Variants in RHOU observed in about 807,000 individuals in gnomAD.
The protein encoded by RHOU is rho-related GTP-binding protein RhoU.
Under a neutral mutation model 12.6 loss-of-function variants are expected in RHOU, and 8 were observed. The ratio of observed to expected loss-of-function variants is 0.64; its 90% CI spans 0.37 to 1.15. The LOEUF is 1.15. RHOU is among the 50% of genes most tolerant of loss of function. RHOU has a pLI of 0.01. For synonymous variants in RHOU, 161 were observed against 147.4 expected (o/e 1.09, Z -0.67); for missense variants, 258 against 347.0 (o/e 0.74, Z 2.04).
the RHOU span, among the ~76,000 whole-genome samples, chr1:228,706,612 C>A: frequency 6.6e-6 from 1 of 152,176 alleles, no homozygotes; most frequent in Non-Finnish European, 1.5e-5. Flanking sequence ...GCCAAACTTA[C>A]AAGGAGGCGG....
chr1:228,702,230 T>C, the RHOU span, among the ~76,000 whole-genome samples: 1 of 152,178 alleles, frequency 6.6e-6, no homozygotes, highest in African/African-American at 2.4e-5. Context: ...GAAAAGAATA[T>C]TAATACTATG....
Position 228,737,582 on chromosome 1 carries a change from G to A in RHOU, c.263-91G>A. 8.1e-7 allele frequency: 1 copy of A among 1,242,104 alleles called. No individual in the cohort carries two copies. Among genetic ancestry groups the A allele is most frequent in the South Asian group, 1.2e-5 (1 of 82,116 alleles). 76.9% of individuals were successfully genotyped at this position (1,242,104 alleles called of 1,614,324 possible). A position where few individuals can be genotyped will look rare whatever the true frequency, so the allele number is the denominator to read the frequency against. On this transcript the variant is annotated intron_variant, in intron 1 of 2. Transcript: ENST00000366691. This position sits in a 1 kb window ranked among gnomAD's most constrained non-coding sequence, Gnocchi z 4.1. ...CCTAAAATAGGAGCAAAGGGGTTTG[G>A]AGTGAGAATGATAGTGAAAGCTAAA...
chr1:228,731,258 G>A (rs1662490508), upstream of RHOU, among the ~76,000 whole-genome samples: 1 of 152,166 alleles, frequency 6.6e-6, no homozygotes, highest in Non-Finnish European at 1.5e-5. Flanking sequence ...CACATAAGGG[G>A]TCAGGGAACA....
the RHOU span, among the ~76,000 whole-genome samples, chr1:228,712,414 C>T: frequency 2.4e-4 from 36 of 151,738 alleles, no homozygotes; most frequent in African/African-American, 7.5e-4. Flanking sequence ...CCAACCCACA[C>T]GTCCAACAAT....
At chr1:228,646,911 G>C in the RHOU span, among the ~76,000 whole-genome samples, 1 of 152,084 alleles carries the variant, frequency 6.6e-6, no homozygotes. Flanking sequence ...GCGATCGAGA[G>C]AGACCGGAGA....
chr1:228,706,304 T>C, the RHOU span, among the ~76,000 whole-genome samples: 2 of 152,216 alleles, frequency 1.3e-5, no homozygotes, highest in East Asian at 1.9e-4. Context: ...AGAGTTTAAC[T>C]GAGCAAAGAA....
chr1:228,699,525 T>G, the RHOU span, among the ~76,000 whole-genome samples: 1 of 150,728 alleles, frequency 6.6e-6, no homozygotes, highest in African/African-American at 2.5e-5. Flanking sequence ...ATACATGAGT[T>G]TCTGTTATTA....
chr1:228,744,708 T>G lies in RHOU; in HGVS notation c.*968T>G, dbSNP rs1247243599. On this transcript the variant is annotated 3_prime_UTR_variant, in exon 3 of 3. Coordinates refer to ENST00000366691, the MANE Select transcript of RHOU (RefSeq NM_021205.6). ...TGTGGGACACAACACAGATAATTTTTTCTTAAGTCGGCCAAGATGTACTTC... is the reference window on the plus strand; with the variant it reads ...TGTGGGACACAACACAGATAATTTTGTCTTAAGTCGGCCAAGATGTACTTC... The G allele has an allele frequency of 6.6e-6, 1 of 152,214 alleles. No homozygotes were observed. The highest frequency in any genetic ancestry group is 2.4e-5 in the African/African-American group (1 of 41,444). 9.4% of individuals were successfully genotyped at this position (152,214 alleles called of 1,614,324 possible).
chr1:228,735,925 C>A lies in RHOU; in HGVS notation c.183C>A (p.Gly61=). Residue 61 remains glycine, a synonymous_variant, in exon 1 of 3, where the codon GGC becomes GGA. Transcript: ENST00000366691. This position sits in a 1 kb window ranked among gnomAD's most constrained non-coding sequence, Gnocchi z 8.1. ...KCVLVGDGAV[G]KTSLVVSYTT... is the part of the protein sequence containing the mutation. ...TGCTGGTCGGCGACGGCGCGGTGGGCAAGACGAGCCTGGTGGTGAGCTACA... is the reference window on the plus strand; with the variant it reads ...TGCTGGTCGGCGACGGCGCGGTGGGAAAGACGAGCCTGGTGGTGAGCTACA... The A allele has an allele frequency of 6.4e-7, 1 of 1,567,548 alleles. No individual in the cohort carries two copies. The highest frequency in any genetic ancestry group is 8.6e-7 in the Non-Finnish European group (1 of 1,160,882).
At chr1:228,653,239 C>G in the RHOU span, among the ~76,000 whole-genome samples, 72 of 152,272 alleles carry the variant, frequency 4.7e-4, 2 homozygotes, top group East Asian at 0.011. Flanking sequence ...ACCTCTGCCC[C>G]CTGGGAGGGG....
chr1:228,718,898 T>G, the RHOU span, among the ~76,000 whole-genome samples: 1 of 152,182 alleles, frequency 6.6e-6, no homozygotes, highest in South Asian at 2.1e-4. Flanking sequence ...GAAGCAGGTT[T>G]TGAGAGGGAG....
chr1:228,672,387 T>A, the RHOU span, among the ~76,000 whole-genome samples: 1 of 152,154 alleles, frequency 6.6e-6, no homozygotes, highest in Non-Finnish European at 1.5e-5. Flanking sequence ...GGTCTCGAAC[T>A]TCTGACCTCA....
At chr1:228,685,364 C>G in the RHOU span, among the ~76,000 whole-genome samples, 2 of 152,186 alleles carry the variant, frequency 1.3e-5, no homozygotes, top group African/African-American at 4.8e-5. Context: ...GCTCTGGTTC[C>G]AATGCCTCTG....
At chr1:228,684,490 G>A in the RHOU span, among the ~76,000 whole-genome samples, 2 of 150,112 alleles carry the variant, frequency 1.3e-5, no homozygotes, top group East Asian at 1.9e-4. Context: ...CACCATGCCC[G>A]GCTAATTTTT....
At chr1:228,712,805 TATA>T in the RHOU span, among the ~76,000 whole-genome samples, 18 of 147,010 alleles carry the variant, frequency 1.2e-4, no homozygotes, top group Non-Finnish European at 1.8e-4. Context: ...AAACTTAAAG[TATA>T]ATAATAATAA....
the RHOU span, among the ~76,000 whole-genome samples, chr1:228,691,901 C>T: frequency 2.0e-5 from 3 of 152,132 alleles, no homozygotes; most frequent in African/African-American, 4.8e-5. Flanking sequence ...AGAATCATGG[C>T]AGAAGTATTT....
the RHOU span, among the ~76,000 whole-genome samples, chr1:228,727,381 C>T: frequency 1.3e-5 from 2 of 151,992 alleles, no homozygotes; most frequent in Non-Finnish European, 2.9e-5. Context: ...GATCTCAGCT[C>T]ACTGCAACCT....
chr1:228,651,082 GA>G, the RHOU span: 1 of 237,168 alleles, frequency 4.2e-6, no homozygotes, highest in Non-Finnish European at 9.0e-6. Flanking sequence ...ACTTCTGCCT[GA>G]AGGAGGCCTT....
At chr1:228,719,959 G>A in the RHOU span, among the ~76,000 whole-genome samples, 5 of 152,120 alleles carry the variant, frequency 3.3e-5, no homozygotes, top group Middle Eastern at 3.4e-3. Context: ...AAATATCGCC[G>A]TATCTTTTAA....
Sources: allele counts gnomAD v4.1 joint callset (sites outside exome capture counted in the v4.1 genomes callset), GRCh38; gene constraint gnomAD v4.1.1; non-coding constraint Gnocchi (gnomAD v3.1); transcripts MANE v1.5; gene names NCBI Gene and HGNC (gene_info 2026-07-23, HGNC 2026-07-21).